The following TRPC7 variants were observed in gnomAD, a reference collection of about 807,000 sequenced individuals.
The protein encoded by TRPC7 is short transient receptor potential channel 7.
A neutral mutation model predicts 90.1 loss-of-function variants in TRPC7; 42 were observed. The observed-to-expected ratio is 0.47, with a 90% CI of 0.36 to 0.60. TRPC7 has a LOEUF of 0.60. TRPC7 is among the 20% of genes least tolerant of loss of function. TRPC7 has a pLI of 0.00. For synonymous variants in TRPC7, 451 were observed against 436.3 expected (o/e 1.03, Z -0.42); for missense variants, 955 against 1,112.3 (o/e 0.86, Z 2.01).
At chr5:136,244,359 T>C (rs1037580437) in intron 7 of TRPC7, among the ~76,000 whole-genome samples, 1 of 152,128 alleles carries the variant, frequency 6.6e-6, no homozygotes, top group Non-Finnish European at 1.5e-5. Flanking sequence ...GTCATGGCAC[T>C]GATCTTCTGA....
At chr5:136,264,097 A>C (rs1756948561) in intron 5 of TRPC7, among the ~76,000 whole-genome samples, 1 of 152,240 alleles carries the variant, frequency 6.6e-6, no homozygotes, top group East Asian at 1.9e-4. Flanking sequence ...CTGATTTAAC[A>C]GTCTTGAATT....
At chr5:136,255,760 A>G (rs148100510) in intron 5 of TRPC7, among the ~76,000 whole-genome samples, 1 of 152,330 alleles carries the variant, frequency 6.6e-6, no homozygotes, top group East Asian at 1.9e-4. Flanking sequence ...CAACAATCCT[A>G]TAAAGTACGT....
rs534416994 is a variant in TRPC7 at position 136,298,536 on chromosome 5, C to T, written c.963+17061G>A. Among the ~76,000 whole-genome samples the T allele has an allele frequency of 6.6e-5, 10 of 152,218 alleles. No individual in the cohort carries two copies. In the South Asian group the frequency reaches 2.1e-3, roughly 32 times the overall value. The stretch of plus-strand genomic sequence containing the variant: ...AGCTACTAGGGACTCACAGAAACAC[C>T]CATCTCCAGAAATTCCCCAAAGCCA... On this transcript the variant is annotated intron_variant, in intron 3 of 11. Coordinates refer to ENST00000513104, the MANE Select transcript of TRPC7 (RefSeq NM_020389.3).
At chr5:136,251,311 A>T (rs1756510274) in intron 6 of TRPC7, among the ~76,000 whole-genome samples, 1 of 152,244 alleles carries the variant, frequency 6.6e-6, no homozygotes, top group Non-Finnish European at 1.5e-5. Flanking sequence ...GCGCTCCTGG[A>T]TGCACATCAG....
At chr5:136,253,427 A>G (rs373406493) in intron 5 of TRPC7, among the ~76,000 whole-genome samples, 1 of 152,294 alleles carries the variant, frequency 6.6e-6, no homozygotes, top group Non-Finnish European at 1.5e-5. Context: ...GTGTTGGGAA[A>G]GTCTATTGAT....
chr5:136,285,445 A>G (rs1327507693), intron 3 of TRPC7, among the ~76,000 whole-genome samples: 5 of 152,222 alleles, frequency 3.3e-5, no homozygotes, highest in African/African-American at 9.6e-5. Context: ...TGCAATGTCC[A>G]GTATTCTGTT....
intron 3 of TRPC7, among the ~76,000 whole-genome samples, chr5:136,303,242 G>T (rs1288573233): frequency 1.3e-5 from 2 of 152,038 alleles, no homozygotes; most frequent in African/African-American, 4.8e-5. Context: ...GGCTCATTTG[G>T]CAGCAACCCT....
intron 5 of TRPC7, among the ~76,000 whole-genome samples, chr5:136,262,353 C>A (rs1756888681): frequency 1.3e-5 from 2 of 152,220 alleles, no homozygotes; most frequent in Admixed American, 6.5e-5. Flanking sequence ...TGAACACGTC[C>A]AGCTTGCTCC....
In TRPC7 at chr5:136,247,342, T is replaced by G. The variant is rs1170216248; in HGVS notation, c.1844+129A>C. The G allele has an allele frequency of 1.9e-6, 2 of 1,032,992 alleles. No homozygotes were observed. Among genetic ancestry groups the G allele is most frequent in the East Asian group, 5.2e-5 (2 of 38,314 alleles). 64.0% of individuals were successfully genotyped at this position (1,032,992 alleles called of 1,614,324 possible). A position where few individuals can be genotyped will look rare whatever the true frequency, so the allele number is the denominator to read the frequency against. On this transcript the variant is annotated intron_variant, in intron 7 of 11. Coordinates refer to ENST00000513104, the MANE Select transcript of TRPC7 (RefSeq NM_020389.3). The surrounding 1 kb of genome is among the most constrained non-coding windows in gnomAD (Gnocchi z 4.2). ...ACCTGAACTCTAAACCACCCTTGAATAAAGTTGCCTTTAACCTTGAGAGAT... is the reference window on the plus strand; with the variant it reads ...ACCTGAACTCTAAACCACCCTTGAAGAAAGTTGCCTTTAACCTTGAGAGAT...
Position 136,247,765 on chromosome 5 carries a change from A to G in TRPC7, c.1580-30T>C, listed in dbSNP as rs760273582. 3 of 1,599,982 alleles carry G rather than the reference A, an allele frequency of 1.9e-6. No homozygotes were observed. Among genetic ancestry groups the G allele is most frequent in the Non-Finnish European group, 2.6e-6 (3 of 1,171,994 alleles). On this transcript the variant is annotated intron_variant, in intron 6 of 11. Transcript: ENST00000513104. The surrounding 1 kb of genome is among the most constrained non-coding windows in gnomAD (Gnocchi z 4.2). ...AAGAAAACAATCTGGGTTACTCACGAGGCCACAGGATCTATTCTAGAAGAG... is the reference window on the plus strand; with the variant it reads ...AAGAAAACAATCTGGGTTACTCACGGGGCCACAGGATCTATTCTAGAAGAG...
chr5:136,305,579 A>G (rs1488344559), intron 3 of TRPC7, among the ~76,000 whole-genome samples: 1 of 152,170 alleles, frequency 6.6e-6, no homozygotes, highest in Non-Finnish European at 1.5e-5. Context: ...AATACCTCTT[A>G]GTCTAAATAG....
chr5:136,334,535 C>T (rs780528093), intron 2 of TRPC7, among the ~76,000 whole-genome samples: 19 of 152,188 alleles, frequency 1.2e-4, no homozygotes, highest in Non-Finnish European at 2.1e-4. Context: ...TCTGAGAACT[C>T]TACTCCTTCT....
In TRPC7 at chr5:136,216,183, G is replaced by A. The variant is rs753464142; in HGVS notation, c.2419+17C>T. The A allele has an allele frequency of 1.2e-6, 2 of 1,605,454 alleles. No homozygotes were observed. The highest frequency in any genetic ancestry group is 1.3e-5 in the African/African-American group (1 of 74,978). On this transcript the variant is annotated intron_variant, in intron 11 of 11. Transcript: ENST00000513104. Reference sequence around the variant, plus strand: ...GTTGTTTTAAATCACCACGTGGGTGGAAATCCAGTCATTTACCTTCATTGA... The same window carrying A: ...GTTGTTTTAAATCACCACGTGGGTGAAAATCCAGTCATTTACCTTCATTGA...
chr5:136,214,662 A>AGTAG (rs1315788504), intron 11 of TRPC7, among the ~76,000 whole-genome samples: 4 of 152,142 alleles, frequency 2.6e-5, no homozygotes, highest in African/African-American at 9.7e-5. Context: ...GAGACCTACA[A>AGTAG]GTAGGTAGGT....
chr5:136,275,353 A>G (rs982368695), intron 3 of TRPC7, among the ~76,000 whole-genome samples: 3 of 150,946 alleles, frequency 2.0e-5, no homozygotes, highest in African/African-American at 7.4e-5. Flanking sequence ...AGAGCTTATC[A>G]CATTGTCTTG....
At chr5:136,230,801 A>T (rs1444046621) in intron 8 of TRPC7, among the ~76,000 whole-genome samples, 1 of 152,106 alleles carries the variant, frequency 6.6e-6, no homozygotes, top group Non-Finnish European at 1.5e-5. Context: ...CACCTCTGGA[A>T]GCTTCCCCCA....
At chr5:136,345,355 A>G (rs546289807) in intron 2 of TRPC7, among the ~76,000 whole-genome samples, 1 of 152,312 alleles carries the variant, frequency 6.6e-6, no homozygotes, top group Admixed American at 6.5e-5. Context: ...CAGGAGTTTG[A>G]GACCAGCCTG....
Position 136,356,725 on chromosome 5 carries a change from G to A in TRPC7, c.663C>T (p.Ala221=). Residue 221 remains alanine, a synonymous_variant, in exon 2 of 12, where the codon GCC becomes GCT. Transcript: ENST00000513104. The stretch of plus-strand genomic sequence containing the variant: ...AGGCAGCACTCGCCAGTCCTTTGTA[G>A]GCGTTCATGCGCGAGCGCGAGTGGC... ...SFSHSRSRMN[A]YKGLASAAYL... The A allele has an allele frequency of 6.2e-7, 1 of 1,612,354 alleles. No individual in the cohort carries two copies. The highest frequency in any genetic ancestry group is 8.5e-7 in the Non-Finnish European group (1 of 1,178,910).
In TRPC7 at chr5:136,274,835, G is replaced by A. The variant is rs1476346650; in HGVS notation, c.966C>T (p.Phe322=). Reference sequence around the variant, plus strand: ...GCTGCTGACAGTTAGGATGAGCAACGAACTGTAAAAACAAAACAAAAACAA... The same window carrying A: ...GCTGCTGACAGTTAGGATGAGCAACAAACTGTAAAAACAAAACAAAAACAA... The part of the protein sequence containing the change: ...KLAIKYEVKK[F]VAHPNCQQQL... The change falls in exon 4 of 12, where the codon TTC becomes TTT. Residue 322 remains phenylalanine (F), a splice_region_variant and synonymous_variant. Coordinates refer to ENST00000513104, the MANE Select transcript of TRPC7 (RefSeq NM_020389.3). 14 of 1,558,960 alleles carry A rather than the reference G, an allele frequency of 9.0e-6. No homozygotes were observed. The highest frequency in any genetic ancestry group is 1.2e-5 in the South Asian group (1 of 84,522).
Sources: allele counts gnomAD v4.1 joint callset (sites outside exome capture counted in the v4.1 genomes callset), GRCh38; gene constraint gnomAD v4.1.1; non-coding constraint Gnocchi (gnomAD v3.1); transcripts MANE v1.5; gene names NCBI Gene and HGNC (gene_info 2026-07-23, HGNC 2026-07-21).